The following LMX1A variants were observed in gnomAD, a reference collection of about 807,000 sequenced individuals.
The protein encoded by LMX1A is LIM homeobox transcription factor 1-alpha.
LMX1A carries 15 observed loss-of-function variants against 49.1 expected under a neutral mutation model. The observed-to-expected ratio is 0.31, with a 90% CI of 0.20 to 0.47. LMX1A has a LOEUF of 0.47. Ranked by LOEUF, LMX1A falls within the 20% of genes least tolerant of loss-of-function variation. LMX1A has a pLI of 1.00. For synonymous variants in LMX1A, 167 were observed against 185.7 expected (o/e 0.90, Z 0.82); for missense variants, 372 against 475.8 (o/e 0.78, Z 2.03).
chr1:165,257,498 G>A (rs929158369), intron 3 of LMX1A, among the ~76,000 whole-genome samples: 6 of 152,074 alleles, frequency 3.9e-5, no homozygotes, highest in Admixed American at 3.9e-4. Flanking sequence ...AATACCCAAA[G>A]GGATTTCTGA....
intron 5 of LMX1A, chr1:165,211,319 TGG>T (rs1651380166): frequency 6.6e-6 from 1 of 152,308 alleles, no homozygotes; most frequent in African/African-American, 2.4e-5. Context: ...GAGAGCCATC[TGG>T]AACCCGGCAG....
At chr1:165,212,516 GT>G (rs5778429) in intron 5 of LMX1A, among the ~76,000 whole-genome samples, 1 of 149,428 alleles carries the variant, frequency 6.7e-6, no homozygotes. Flanking sequence ...CTTTTTGTTT[GT>G]TTTTTTTTTA....
At chr1:165,316,350 G>A (rs989194272) in intron 3 of LMX1A, among the ~76,000 whole-genome samples, 28 of 152,318 alleles carry the variant, frequency 1.8e-4, no homozygotes, top group Admixed American at 1.3e-3. Flanking sequence ...GGAGCACAGC[G>A]TTGCTGCTTC....
In LMX1A at chr1:165,249,620, C is replaced by G; in HGVS notation, c.284G>C (p.Gly95Ala). The G allele has an allele frequency of 6.2e-7, 1 of 1,614,010 alleles. No homozygotes were observed. The change falls in exon 4 of 9, where the codon GGG becomes GCG. Residue 95 changes from glycine (G) to alanine (A), a missense_variant. Around this residue, in one of 3 missense-constraint regions of LMX1A, gnomAD observed 199 missense variants for 244.0 expected, o/e 0.82. Transcript: ENST00000342310. The part of the protein sequence containing the change: ...DYEKLFAVKC[G>A]GCFEAIAPNE... ...GGGAGCGATGGCCTCGAAGCAGCCC[C>G]CACATTTAACAGCAAACAGCCTGGC...
At chr1:165,213,869 TATGTTATTCC>T in intron 4 of LMX1A, 56 bp from the exon 5 acceptor site, 1 of 1,541,200 alleles carries the variant, frequency 6.5e-7, no homozygotes, top group Non-Finnish European at 8.9e-7. Flanking sequence ...CCTGGAGCTG[TATGTTATTCC>T]ATAGCAAGGC....
intron 3 of LMX1A, among the ~76,000 whole-genome samples, chr1:165,323,813 C>A (rs117812157): frequency 6.6e-6 from 1 of 151,788 alleles, no homozygotes; most frequent in African/African-American, 2.4e-5. Context: ...ACTTTCACAT[C>A]TGTGCTTTTT....
At chr1:165,258,018 G>A (rs1311549356) in intron 3 of LMX1A, among the ~76,000 whole-genome samples, 1 of 152,220 alleles carries the variant, frequency 6.6e-6, no homozygotes, top group Non-Finnish European at 1.5e-5. Flanking sequence ...GTTTTGATGA[G>A]ATATATGAAC....
chr1:165,219,802 G>A (rs1249701010), intron 4 of LMX1A, among the ~76,000 whole-genome samples: 1 of 152,198 alleles, frequency 6.6e-6, no homozygotes, highest in East Asian at 1.9e-4. Context: ...GCACTGCACA[G>A]GGACAATCCT....
At chr1:165,239,885 C>T (rs1652584702) in intron 4 of LMX1A, among the ~76,000 whole-genome samples, 1 of 152,218 alleles carries the variant, frequency 6.6e-6, no homozygotes, top group African/African-American at 2.4e-5. Context: ...GTCTTATTCA[C>T]AGCACCTGGC....
chr1:165,245,466 A>G (rs978202949), intron 4 of LMX1A, among the ~76,000 whole-genome samples: 1 of 152,142 alleles, frequency 6.6e-6, no homozygotes, highest in East Asian at 1.9e-4. Context: ...TGTGACTCTC[A>G]TATGTTCCTT....
chr1:165,210,953 A>G, intron 5 of LMX1A, 177 bp from the exon 6 acceptor site: 1 of 437,044 alleles, frequency 2.3e-6, no homozygotes, highest in Non-Finnish European at 4.0e-6. Context: ...AGGTAGAAAG[A>G]AAGTCCTTCA....
chr1:165,279,000 G>A (rs1340140636), intron 3 of LMX1A, among the ~76,000 whole-genome samples: 1 of 152,210 alleles, frequency 6.6e-6, no homozygotes, highest in East Asian at 1.9e-4. Context: ...CATCAAAGAA[G>A]GTAGGCTTCT....
At chr1:165,311,420 A>C (rs1282698853) in intron 3 of LMX1A, among the ~76,000 whole-genome samples, 1 of 152,200 alleles carries the variant, frequency 6.6e-6, no homozygotes, top group Non-Finnish European at 1.5e-5. Flanking sequence ...AGCCCATTCT[A>C]CTTCCACTGA....
At chr1:165,354,465 G>C (rs1447392128) in intron 2 of LMX1A, among the ~76,000 whole-genome samples, 4 of 152,218 alleles carry the variant, frequency 2.6e-5, no homozygotes, top group African/African-American at 9.6e-5. Flanking sequence ...CGCACCCGCT[G>C]CCCGCCCGGG....
chr1:165,276,505 G>A (rs1653972549), intron 3 of LMX1A, among the ~76,000 whole-genome samples: 1 of 152,156 alleles, frequency 6.6e-6, no homozygotes, highest in Admixed American at 6.5e-5. Context: ...CCAGCCTCAG[G>A]AGAATGAACA....
chr1:165,337,886 T>TGTGTGTGTGTGTGTGTGTGTGTGTG (rs1553213775), intron 3 of LMX1A, among the ~76,000 whole-genome samples: 1 of 20,784 alleles, frequency 4.8e-5, no homozygotes, highest in African/African-American at 1.0e-4. Context: ...GTGTGTGTGT[T>TGTGTGTGTGTGTGTGTGTGTGTGTG]TCTGTGTGTG....
At chr1:165,309,856 C>A (rs1478379411) in intron 3 of LMX1A, among the ~76,000 whole-genome samples, 1 of 152,176 alleles carries the variant, frequency 6.6e-6, no homozygotes, top group Non-Finnish European at 1.5e-5. Context: ...TATTCCATCC[C>A]ACTGCCTTCA....
intron 4 of LMX1A, among the ~76,000 whole-genome samples, chr1:165,243,810 A>G (rs561464037): frequency 1.3e-5 from 2 of 152,360 alleles, no homozygotes; most frequent in Admixed American, 1.3e-4. Context: ...ATATTGTGAA[A>G]TATATATTTG....
intron 4 of LMX1A, among the ~76,000 whole-genome samples, chr1:165,249,009 AC>A (rs1652956646): frequency 6.6e-6 from 1 of 152,076 alleles, no homozygotes; most frequent in Non-Finnish European, 1.5e-5. Context: ...TGTTCCCCAA[AC>A]CTGGATCCTG....
Sources: allele counts gnomAD v4.1 joint callset (sites outside exome capture counted in the v4.1 genomes callset), GRCh38; gene constraint gnomAD v4.1.1; regional missense constraint gnomAD v4.1.1; transcripts MANE v1.5; gene names NCBI Gene and HGNC (gene_info 2026-07-23, HGNC 2026-07-21).